SLC4A2: variants seen among roughly 807,000 people sequenced by gnomAD.
SLC4A2 encodes the protein anion exchange protein 2.
SLC4A2 carries 36 observed loss-of-function variants against 115.0 expected under a neutral mutation model. The ratio of observed to expected loss-of-function variants is 0.31; its 90% CI spans 0.24 to 0.41. SLC4A2 has a LOEUF of 0.41. SLC4A2 is among the 10% of genes least tolerant of loss of function. The pLI is 1.00. For synonymous variants in SLC4A2, 708 were observed against 708.3 expected (o/e 1.00, Z 0.01); for missense variants, 1,252 against 1,705.6 (o/e 0.73, Z 4.68).
Position 151,076,331 on chromosome 7 carries a change from T to G in SLC4A2, c.3690T>G (p.Gly1230=), listed in dbSNP as rs1585003695. The change falls in exon 23 of 23, where the codon GGT becomes GGG. Residue 1230 remains glycine, a synonymous_variant. Coordinates refer to ENST00000413384, the MANE Select transcript of SLC4A2 (RefSeq NM_003040.4). ...AGCCGGTGTTTGATGAGCGGGAGGGTGTGGACGAGTACAATGAGATGCCCA... is the reference window on the plus strand; with the variant it reads ...AGCCGGTGTTTGATGAGCGGGAGGGGGTGGACGAGTACAATGAGATGCCCA... ...EAEPVFDERE[G]VDEYNEMPMP... 1 of 1,534,384 alleles carries G rather than the reference T, an allele frequency of 6.5e-7. No homozygotes were observed.
intron 5 of SLC4A2, among the ~76,000 whole-genome samples, chr7:151,066,021 G>A (rs1443990087): frequency 6.6e-6 from 1 of 152,148 alleles, no homozygotes; most frequent in Admixed American, 6.5e-5. Flanking sequence ...CATCTCCAAG[G>A]CCCGGTGCCA....
rs371848221 is a variant in SLC4A2 at position 151,075,594 on chromosome 7, C to T, written c.3302-12C>T. ...ACCCCGGGGCCAACTCTTTCTCCTG[C>T]GCCTCCCGTAGGCCTCTCCATAGTT... On this transcript the variant is annotated splice_polypyrimidine_tract_variant and intron_variant, in intron 20 of 22. Coordinates refer to ENST00000413384, the MANE Select transcript of SLC4A2 (RefSeq NM_003040.4). The T allele has an allele frequency of 3.6e-5, 57 of 1,585,952 alleles. No individual in the cohort carries two copies. Among genetic ancestry groups the T allele is most frequent in the South Asian group, 6.6e-5 (6 of 90,360 alleles).
At chr7:151,064,135 G>A (rs2150367810) in intron 2 of SLC4A2, 67 bp from the exon 3 acceptor site, 9 of 1,536,950 alleles carry the variant, frequency 5.9e-6, no homozygotes, top group Non-Finnish European at 8.0e-6. Context: ...GCACTGGGAA[G>A]GGTGAGGTTT....
At chr7:151,076,258 CT>C (rs1301903516) in intron 22 of SLC4A2, 28 bp from the exon 23 acceptor site, 1 of 1,583,884 alleles carries the variant, frequency 6.3e-7, no homozygotes, top group African/African-American at 1.3e-5. Flanking sequence ...CCCCACTTCC[CT>C]TCTTGACCGC....
chr7:151,073,085 G>C (rs1310409639), intron 16 of SLC4A2, among the ~76,000 whole-genome samples: 3 of 152,082 alleles, frequency 2.0e-5, no homozygotes, highest in Non-Finnish European at 4.4e-5. Context: ...CACCCTAATA[G>C]CTGGGACTGC....
At chr7:151,074,908 G>A in intron 19 of SLC4A2, 67 bp downstream of exon 19, 2 of 1,464,766 alleles carry the variant, frequency 1.4e-6, no homozygotes, top group South Asian at 2.7e-5. Context: ...AACTCAGCAT[G>A]GAACCTCCAG....
In SLC4A2 at chr7:151,064,642, G is replaced by C. The variant is rs756526499; in HGVS notation, c.334G>C (p.Ala112Pro). Residue 112 changes from alanine (A) to proline (P), a missense_variant, in exon 4 of 23, where the codon GCC becomes CCC. By Grantham distance (27) the Ala-to-Pro change is conservative. Around this residue, in one of 14 missense-constraint regions of SLC4A2, gnomAD observed 215 missense variants for 205.2 expected, o/e 1.05. Coordinates refer to ENST00000413384, the MANE Select transcript of SLC4A2 (RefSeq NM_003040.4). The stretch of plus-strand genomic sequence containing the variant: ...ACGGAAGCCTCGAAGGCGCCCGGGA[G>C]CCTCCCCGACTGGAGAAACCCCGAC... The part of the protein sequence containing the change: ...PGRKPRRRPG[A>P]SPTGETPTIE... The C allele has an allele frequency of 8.7e-6, 14 of 1,613,616 alleles. No individual in the cohort carries two copies. In the East Asian group the frequency reaches 2.9e-4, roughly 33 times the overall value.
rs1797623217 is a variant in SLC4A2 at position 151,076,043 on chromosome 7, G to A, written c.3502G>A (p.Ala1168Thr). ...GACCCTCCGTATGCACCTGTTCACG[G>A]CCCTGCAGCTGCTCTGCCTGGCCCT... is the stretch of plus-strand genomic sequence containing the variant. ...VRTLRMHLFT[A>T]LQLLCLALLW... The change falls in exon 22 of 23, where the codon GCC becomes ACC. Residue 1168 changes from alanine to threonine, a missense_variant. Around this residue, in one of 14 missense-constraint regions of SLC4A2, gnomAD observed 253 missense variants for 407.4 expected, o/e 0.62. Coordinates refer to ENST00000413384, the MANE Select transcript of SLC4A2 (RefSeq NM_003040.4). 1 of 1,611,164 alleles carries A rather than the reference G, an allele frequency of 6.2e-7. No individual in the cohort carries two copies. The highest frequency in any genetic ancestry group is 8.5e-7 in the Non-Finnish European group (1 of 1,179,370).
At chr7:151,067,640 A>G (rs980646662) in intron 7 of SLC4A2, among the ~76,000 whole-genome samples, 1 of 152,160 alleles carries the variant, frequency 6.6e-6, no homozygotes, top group African/African-American at 2.4e-5. Flanking sequence ...TCCTTCTGAC[A>G]GTTCTTTGAG....
At chr7:151,070,685 C>CCTG (rs765585616) in intron 11 of SLC4A2, 42 bp from the exon 12 acceptor site, 8 of 1,607,844 alleles carry the variant, frequency 5.0e-6, no homozygotes, top group Middle Eastern at 1.9e-4. Flanking sequence ...GGAAGGCGGT[C>CCTG]CTGCTGCTCT....
Position 151,071,236 on chromosome 7 carries a change from G to C in SLC4A2, c.1914G>C (p.Glu638Asp). ...HFQRQMLKKR[E>D]EQGRLLPTGA... ...AGCGCCAGATGCTCAAGAAGCGAGA[G>C]GAGCAGGGCCGGCTGCTACCTACAG... The change falls in exon 13 of 23, where the codon GAG becomes GAC. Residue 638 changes from glutamate (E) to aspartate (D), a missense_variant. This residue lies in a region of SLC4A2 where 122 missense variants were observed against 116.8 expected (regional missense o/e 1.04). Transcript: ENST00000413384. This position sits in a 1 kb window ranked among gnomAD's most constrained non-coding sequence, Gnocchi z 5.5. 6.3e-6 allele frequency: 10 copies of C among 1,583,018 alleles called. No homozygotes were observed. The highest frequency in any genetic ancestry group is 8.6e-6 in the Non-Finnish European group (10 of 1,165,274).
At chr7:151,075,176 G>T (rs750636391) in intron 19 of SLC4A2, 79 bp from the exon 20 acceptor site, 25 of 1,578,506 alleles carry the variant, frequency 1.6e-5, no homozygotes, top group Admixed American at 1.4e-4. Flanking sequence ...GGAGGGACTG[G>T]CTGGGCATTC....
chr7:151,062,884 C>T, intron 2 of SLC4A2: 1 of 1,392,400 alleles, frequency 7.2e-7, no homozygotes, highest in Non-Finnish European at 9.3e-7. Context: ...CTCCAGTCCC[C>T]ACCTCGCCCC....
At chr7:151,074,315 G>C in intron 17 of SLC4A2, 22 bp downstream of exon 17, 5 of 1,609,400 alleles carry the variant, frequency 3.1e-6, no homozygotes, top group Non-Finnish European at 4.2e-6. Context: ...TAAAGGCCAA[G>C]AGGGGGTTAG....
chr7:151,075,225 G>A lies in SLC4A2; in HGVS notation c.3048-30G>A, dbSNP rs567889128. ...TGGTCTGCGGAGCTGAGTCCAGCCT[G>A]GGCCTCAGCAGCACCCCTCCCGCTC... On this transcript the variant is annotated intron_variant, in intron 19 of 22. Coordinates refer to ENST00000413384, the MANE Select transcript of SLC4A2 (RefSeq NM_003040.4). The A allele has an allele frequency of 6.2e-6, 10 of 1,610,024 alleles. No individual in the cohort carries two copies. The East Asian group carries it at 2.2e-4, about 36-fold the overall frequency.
At position 151,071,452 on chromosome 7, in the gene SLC4A2, C is replaced by T. The variant is rs1444262993; in HGVS notation, c.2038C>T (p.Arg680Trp). 12 of 1,608,400 alleles carry T rather than the reference C, an allele frequency of 7.5e-6. No homozygotes were observed. Among genetic ancestry groups the T allele is most frequent in the Non-Finnish European group, 8.5e-6 (10 of 1,179,682 alleles). The change falls in exon 14 of 23, where the codon CGG becomes TGG. Residue 680 changes from arginine (R) to tryptophan (W), a missense_variant. Physicochemically the swap from Arg to Trp is moderately radical, Grantham distance 101. Coordinates refer to ENST00000413384, the MANE Select transcript of SLC4A2 (RefSeq NM_003040.4). The surrounding 1 kb of genome is among the most constrained non-coding windows in gnomAD (Gnocchi z 5.5). Reference protein sequence around the residue: ...AEDDPLRRTGRPFGGLIRDVR... With the variant: ...AEDDPLRRTGWPFGGLIRDVR... ...AGATGATCCCCTTCGGCGGACGGGGCGGCCCTTTGGGGGGCTGATCCGAGA... is the reference window on the plus strand; with the variant it reads ...AGATGATCCCCTTCGGCGGACGGGGTGGCCCTTTGGGGGGCTGATCCGAGA...
In SLC4A2 at chr7:151,064,920, C is replaced by T; in HGVS notation, c.532C>T (p.Pro178Ser). The change falls in exon 5 of 23, where the codon CCC becomes TCC. Residue 178 changes from proline to serine, a missense_variant. Transcript: ENST00000413384. ...RTSPSSPAPL[P>S]HQEATPRASK... ...CAGTCCATCTTCCCCTGCACCACTG[C>T]CCCACCAGGAGGCGACTCCTCGGGC... 1.2e-6 allele frequency: 2 copies of T among 1,613,908 alleles called. No individual in the cohort carries two copies. The highest frequency in any genetic ancestry group is 8.5e-7 in the Non-Finnish European group (1 of 1,179,960).
rs538329663 is a variant in SLC4A2, at chr7:151,075,636, G to A, written c.3332G>A (p.Arg1111Gln). 35 of 1,600,796 alleles carry A rather than the reference G, an allele frequency of 2.2e-5. No individual in the cohort carries two copies. Among genetic ancestry groups the A allele is most frequent in the South Asian group, 8.8e-5 (8 of 90,856 alleles). Residue 1111 changes from arginine to glutamine, a missense_variant, in exon 21 of 23, where the codon CGG becomes CAG. Physicochemically the swap from Arg to Gln is conservative, Grantham distance 43. Around this residue, in one of 14 missense-constraint regions of SLC4A2, gnomAD observed 253 missense variants for 407.4 expected, o/e 0.62. Transcript: ENST00000413384. ...GLSIVIGDLLRQIPLAVLFGI... is the reference protein window; with the variant it reads ...GLSIVIGDLLQQIPLAVLFGI... ...TCCATAGTTATCGGGGATCTGCTCC[G>A]GCAGATCCCCCTGGCCGTGCTCTTT...
chr7:151,071,055 C>T lies in SLC4A2; in HGVS notation c.1750-17C>T. 1 of 1,611,856 alleles carries T rather than the reference C, an allele frequency of 6.2e-7. No individual in the cohort carries two copies. The highest frequency in any genetic ancestry group is 8.5e-7 in the Non-Finnish European group (1 of 1,179,330). On this transcript the variant is annotated splice_polypyrimidine_tract_variant and intron_variant, in intron 12 of 22. Coordinates refer to ENST00000413384, the MANE Select transcript of SLC4A2 (RefSeq NM_003040.4). The surrounding 1 kb of genome is among the most constrained non-coding windows in gnomAD (Gnocchi z 5.5). ...CTCTTCTTTGTGCTCTCCCCCATCCCCATGCTGCTTTGGCAGCAATTCCAC... is the reference window on the plus strand; with the variant it reads ...CTCTTCTTTGTGCTCTCCCCCATCCTCATGCTGCTTTGGCAGCAATTCCAC...
Sources: gnomAD v4.1 joint callset for allele counts (sites outside exome capture counted in the v4.1 genomes callset) on GRCh38, gnomAD v4.1.1 for gene constraint, gnomAD v4.1.1 regional missense constraint, Gnocchi (gnomAD v3.1) non-coding constraint, MANE v1.5 for transcripts, NCBI Gene and HGNC (gene_info 2026-07-23, HGNC 2026-07-21) for gene names.